The following DPYD variants were observed in gnomAD, a reference collection of about 807,000 sequenced individuals.
DPYD encodes the protein dihydropyrimidine dehydrogenase, also known as dihydropyrimidine dehydrogenase [NADP(+)].
A neutral mutation model predicts 116.2 loss-of-function variants in DPYD; 109 were observed. That is an observed-to-expected ratio of 0.94 (90% CI 0.80 to 1.10). The LOEUF is 1.10. Among genes scored for constraint, DPYD ranks in the 50% least tolerant of loss-of-function variants. DPYD has a pLI of 0.00. For missense variants in DPYD, 1,302 were observed against 1,254.5 expected (o/e 1.04, Z -0.57); for synonymous variants, 440 against 432.0 (o/e 1.02, Z -0.23).
At chr1:97,816,824 ATTCAAT>A (rs1457772076) in intron 3 of DPYD, among the ~76,000 whole-genome samples, 1 of 152,196 alleles carries the variant, frequency 6.6e-6, no homozygotes, top group African/African-American at 2.4e-5. Context: ...AATGTGACTT[ATTCAAT>A]TTCAAAGAAC....
intron 12 of DPYD, among the ~76,000 whole-genome samples, chr1:97,528,061 G>A (rs1193971098): frequency 2.0e-5 from 3 of 152,092 alleles, no homozygotes; most frequent in African/African-American, 7.2e-5. Flanking sequence ...GCTGCTTGTG[G>A]CTAGATTAAT....
chr1:97,460,421 A>G (rs1422421207), intron 13 of DPYD, among the ~76,000 whole-genome samples: 1 of 152,172 alleles, frequency 6.6e-6, no homozygotes, highest in African/African-American at 2.4e-5. Context: ...CAACATGGGA[A>G]CATTTCAGAT....
At chr1:97,328,779 A>G (rs980236311) in intron 16 of DPYD, among the ~76,000 whole-genome samples, 1 of 152,160 alleles carries the variant, frequency 6.6e-6, no homozygotes, top group Non-Finnish European at 1.5e-5. Context: ...ATACTTAAGT[A>G]GTATTTTGTT....
rs1425635237 is a variant in DPYD, at chr1:97,149,353, G to T, written c.2622+43716C>A. Among the ~76,000 whole-genome samples, 3 of 152,144 alleles carry T rather than the reference G, an allele frequency of 2.0e-5. No homozygotes were observed. The East Asian group carries it at 5.8e-4, about 29-fold the overall frequency. On this transcript the variant is annotated intron_variant, in intron 20 of 22. Transcript: ENST00000370192. ...TGCAAACTCTGCCTCCTGGGTTCAA[G>T]TGGATTCTCCTGCCTCAACATCCCA...
intron 19 of DPYD, among the ~76,000 whole-genome samples, chr1:97,230,186 A>G (rs1661490528): frequency 6.6e-6 from 1 of 152,234 alleles, no homozygotes; most frequent in Non-Finnish European, 1.5e-5. Flanking sequence ...ATGCATATGT[A>G]TGTTCACTGC....
intron 20 of DPYD, among the ~76,000 whole-genome samples, chr1:97,128,461 C>A (rs975385428): frequency 6.6e-6 from 1 of 152,072 alleles, no homozygotes; most frequent in Non-Finnish European, 1.5e-5. Flanking sequence ...ATTTTAATTC[C>A]ATTGTTCAAT....
Position 97,173,382 on chromosome 1 carries a change from ATACGTACATATATGTGTGTATATACG to A in DPYD, c.2622+19661_2622+19686del, listed in dbSNP as rs1275331399. ...TACATATATACATATATGTGTGTATATACGTACATATATGTGTGTATATACGTACGTACATATATGTGTGTATATAC... is the reference window on the plus strand; with the variant it reads ...TACATATATACATATATGTGTGTATATACGTACATATATGTGTGTATATAC... On this transcript the variant is annotated intron_variant, in intron 20 of 22. Transcript: ENST00000370192. Among the ~76,000 whole-genome samples the A allele has an allele frequency of 1.4e-3, 212 of 150,762 alleles. 1 individual carries two copies. Among genetic ancestry groups the A allele is most frequent in the South Asian group, 3.4e-3 (16 of 4,720 alleles).
chr1:97,750,896 A>T (rs1282717779), intron 3 of DPYD, among the ~76,000 whole-genome samples: 1 of 152,132 alleles, frequency 6.6e-6, no homozygotes, highest in Admixed American at 6.6e-5. Flanking sequence ...ACTCTCTAGC[A>T]TATACCAAAG....
At chr1:97,889,778 C>T (rs980829677) in intron 1 of DPYD, among the ~76,000 whole-genome samples, 12 of 151,954 alleles carry the variant, frequency 7.9e-5, no homozygotes, top group Admixed American at 6.6e-4. Context: ...ATCCATATAA[C>T]ACTCTAAAAG....
intron 3 of DPYD, among the ~76,000 whole-genome samples, chr1:97,773,744 G>A (rs1186986893): frequency 1.3e-5 from 2 of 152,180 alleles, no homozygotes; most frequent in South Asian, 2.1e-4. Flanking sequence ...CCCAGCCACT[G>A]AGCTGCCCAA....
intron 19 of DPYD, among the ~76,000 whole-genome samples, chr1:97,217,653 A>G (rs1660503703): frequency 6.6e-6 from 1 of 152,072 alleles, no homozygotes; most frequent in African/African-American, 2.4e-5. Context: ...AAAAAAAGTA[A>G]TAACTGTCAA....
chr1:97,582,291 A>C (rs1360794014), intron 10 of DPYD, among the ~76,000 whole-genome samples: 2 of 152,226 alleles, frequency 1.3e-5, no homozygotes, highest in Non-Finnish European at 2.9e-5. Context: ...ATCTGTGGGC[A>C]GTGGTCCTGC....
At chr1:97,150,634 C>T (rs1291755332) in intron 20 of DPYD, among the ~76,000 whole-genome samples, 1 of 152,136 alleles carries the variant, frequency 6.6e-6, no homozygotes, top group Non-Finnish European at 1.5e-5. Context: ...ATTTATTTCT[C>T]TTATACAAAA....
At chr1:97,286,453 C>T (rs1352228065) in intron 18 of DPYD, among the ~76,000 whole-genome samples, 3 of 151,792 alleles carry the variant, frequency 2.0e-5, no homozygotes, top group Non-Finnish European at 1.5e-5. Flanking sequence ...TTTCCTGAAT[C>T]TGAATGTTGG....
intron 1 of DPYD, among the ~76,000 whole-genome samples, chr1:97,916,032 T>A (rs1177411472): frequency 6.6e-6 from 1 of 152,182 alleles, no homozygotes; most frequent in East Asian, 1.9e-4. Flanking sequence ...CTTTCAGCCC[T>A]TGTGTTGTTG....
intron 12 of DPYD, 107 bp from the exon 13 acceptor site, chr1:97,516,048 C>A: frequency 9.0e-7 from 1 of 1,112,692 alleles, no homozygotes; most frequent in Non-Finnish European, 1.3e-6. Context: ...ATATAGATTA[C>A]AACAGTCTGT....
chr1:97,797,994 G>A lies in DPYD; in HGVS notation c.233+30120C>T, dbSNP rs1407902128. 4 of 152,026 alleles carry A rather than the reference G, an allele frequency of 2.6e-5. No homozygotes were observed. The East Asian group carries it at 7.7e-4, about 29-fold the overall frequency. The allele number at this position is 152,026 out of a possible 1,614,324, so 9.4% of individuals were successfully genotyped here. Reference sequence around the variant, plus strand: ...CTGTCAACCAAAACAACTAACTCTGGGGAACATAACGTTCTGACAACTTCA... The same window carrying A: ...CTGTCAACCAAAACAACTAACTCTGAGGAACATAACGTTCTGACAACTTCA... On this transcript the variant is annotated intron_variant, in intron 3 of 22. Transcript: ENST00000370192.
At chr1:97,668,049 T>C (rs1375265478) in intron 8 of DPYD, among the ~76,000 whole-genome samples, 1 of 152,132 alleles carries the variant, frequency 6.6e-6, no homozygotes, top group Non-Finnish European at 1.5e-5. Flanking sequence ...AGTTTCAGTT[T>C]TGCAAGATGA....
chr1:97,680,836 C>A (rs1198499621), intron 7 of DPYD, among the ~76,000 whole-genome samples: 2 of 152,038 alleles, frequency 1.3e-5, no homozygotes, highest in African/African-American at 4.8e-5. Context: ...GTTTAGAGAT[C>A]CAGTTATCAA....
Sources: gnomAD v4.1 joint callset for allele counts (sites outside exome capture counted in the v4.1 genomes callset) on GRCh38, gnomAD v4.1.1 for gene constraint, MANE v1.5 for transcripts, NCBI Gene and HGNC (gene_info 2026-07-23, HGNC 2026-07-21) for gene names.